The following MALRD1 variants were observed in gnomAD, a reference collection of about 807,000 sequenced individuals.
MALRD1 encodes MAM and LDL-receptor class A domain-containing protein 1.
Under a neutral mutation model 242.1 loss-of-function variants are expected in MALRD1, and 247 were observed. That is an observed-to-expected ratio of 1.02 (90% CI 0.92 to 1.13). The LOEUF is 1.13. Among genes scored for constraint, MALRD1 ranks in the 50% most tolerant of loss-of-function variants. MALRD1 has a pLI of 0.00. For missense variants in MALRD1, 2,989 were observed against 2,533.1 expected, an observed-to-expected ratio of 1.18 and a Z score of -3.86; for synonymous variants, 995 against 866.6, an observed-to-expected ratio of 1.15 and a Z score of -2.60.
At chr10:19,114,851 C>T (rs1008988228) in intron 5 of MALRD1, among the ~76,000 whole-genome samples, 2 of 152,128 alleles carry the variant, frequency 1.3e-5, no homozygotes, top group African/African-American at 4.8e-5. Flanking sequence ...TGTGTCCTTT[C>T]TTCTTGGCTT....
In MALRD1 at chr10:19,088,170, T is replaced by A. The variant is rs192593141; in HGVS notation, c.582T>A (p.Ser194Arg). The A allele has an allele frequency of 8.1e-7, 1 of 1,233,168 alleles. No homozygotes were observed. The highest frequency in any genetic ancestry group is 1.0e-6 in the Non-Finnish European group (1 of 987,688). 76.4% of individuals were successfully genotyped at this position (1,233,168 alleles called of 1,614,324 possible). ...QWERNVIKIQ[S>R]SQRFQVVFEG... ...AGAGAAATGTCATCAAAATCCAGAG[T>A]TCACAGAGATTTCAGGTATGTGTGT... is the stretch of plus-strand genomic sequence containing the variant. The change falls in exon 4 of 40, where the codon AGT becomes AGA. Residue 194 changes from serine (S) to arginine (R), a missense_variant. Ser to Arg is a moderately radical substitution (Grantham distance 110). Transcript: ENST00000454679.
chr10:19,411,782 A>G (rs1833285282), intron 28 of MALRD1, among the ~76,000 whole-genome samples: 1 of 152,188 alleles, frequency 6.6e-6, no homozygotes, highest in Non-Finnish European at 1.5e-5. Flanking sequence ...TTCTTTAAGC[A>G]TAGCAGTGAT....
At chr10:19,616,832 A>G (rs758172848) in intron 36 of MALRD1, among the ~76,000 whole-genome samples, 1 of 152,010 alleles carries the variant, frequency 6.6e-6, no homozygotes, top group Non-Finnish European at 1.5e-5. Context: ...CTTTAGTTTA[A>G]CATTGTTGAA....
chr10:19,248,012 A>G (rs1192947629), intron 18 of MALRD1, among the ~76,000 whole-genome samples: 3 of 152,046 alleles, frequency 2.0e-5, no homozygotes, highest in East Asian at 3.9e-4. Context: ...AGAGCTCAGC[A>G]TTTGCCTTAT....
chr10:19,638,101 C>CAAAAAAAAAAAAAAAAAAAAAAAAA (rs56865342), intron 36 of MALRD1, among the ~76,000 whole-genome samples: 1 of 41,926 alleles, frequency 2.4e-5, no homozygotes, highest in African/African-American at 6.2e-5. Flanking sequence ...AACTCACTCT[C>CAAAAAAAAAAAAAAAAAAAAAAAAA]AAAAAAAAAA....
chr10:19,438,321 A>C (rs1328075377), intron 28 of MALRD1, among the ~76,000 whole-genome samples: 1 of 152,144 alleles, frequency 6.6e-6, no homozygotes, highest in Non-Finnish European at 1.5e-5. Flanking sequence ...CATGTGTCAG[A>C]ATTGGCTTTT....
chr10:19,636,931 TA>T lies in MALRD1; in HGVS notation c.6137+21014del, dbSNP rs1564505268. Among the ~76,000 whole-genome samples the T allele has an allele frequency of 8.0e-3, 1,205 of 151,470 alleles. 17 individuals carry two copies. Among genetic ancestry groups the T allele is most frequent in the African/African-American group, 0.027 (1,126 of 41,084 alleles). ...AAAAAAAACGCAGAGTAGATTTTTTTAAAAAATATGACATTACTATATTATT... is the reference window on the plus strand; with the variant it reads ...AAAAAAAACGCAGAGTAGATTTTTTTAAAAATATGACATTACTATATTATT... On this transcript the variant is annotated intron_variant, in intron 36 of 39. Coordinates refer to ENST00000454679, the MANE Select transcript of MALRD1 (RefSeq NM_001142308.3).
intron 29 of MALRD1, chr10:19,488,942 TG>T: frequency 2.4e-6 from 1 of 412,574 alleles, no homozygotes; most frequent in Non-Finnish European, 4.9e-6. Context: ...TAAGATCCCG[TG>T]TACTGAAAAA....
chr10:19,181,909 C>A (rs1007545879), intron 14 of MALRD1, among the ~76,000 whole-genome samples: 1 of 151,750 alleles, frequency 6.6e-6, no homozygotes, highest in South Asian at 2.1e-4. Flanking sequence ...AGAAATGTAT[C>A]GATTTAATAG....
At chr10:19,624,204 C>G (rs1839537990) in intron 36 of MALRD1, among the ~76,000 whole-genome samples, 1 of 152,044 alleles carries the variant, frequency 6.6e-6, no homozygotes, top group East Asian at 1.9e-4. Flanking sequence ...AAATACATGT[C>G]CATAAGGCTA....
In MALRD1 at chr10:19,324,992, G is replaced by T. The variant is rs1183607775; in HGVS notation, c.3576+887G>T. 3.5e-4 allele frequency among the ~76,000 whole-genome samples: 41 copies of T among 117,844 alleles called. 1 individual carries two copies. The highest frequency in any genetic ancestry group is 5.6e-4 in the Non-Finnish European group (32 of 56,830). The allele number at this position is 117,844 out of a possible 152,430, so 77.3% of individuals were successfully genotyped here. On this transcript the variant is annotated intron_variant, in intron 22 of 39. Coordinates refer to ENST00000454679, the MANE Select transcript of MALRD1 (RefSeq NM_001142308.3). ...ATCTCCATTTTACCCACAAATTTTT[G>T]CCTTCAGTAGTTGCTTTTTTTTTTT...
At chr10:19,699,337 A>AAAGGAGGGAAAGGTAGGAGG (rs1564551224) in intron 38 of MALRD1, among the ~76,000 whole-genome samples, 10 of 139,274 alleles carry the variant, frequency 7.2e-5, no homozygotes, top group African/African-American at 3.0e-4. Flanking sequence ...GGTAGGAGGG[A>AAAGGAGGGAAAGGTAGGAGG]GGAAATTGTA....
At chr10:19,220,372 TATTA>T (rs1486238573) in intron 18 of MALRD1, among the ~76,000 whole-genome samples, 1 of 152,192 alleles carries the variant, frequency 6.6e-6, no homozygotes, top group East Asian at 1.9e-4. Context: ...TTTATTGCAC[TATTA>T]AAGCAAAATT....
In MALRD1 at chr10:19,113,792, T is replaced by TACACACACACACACACAC. The variant is rs753384799; in HGVS notation, c.695-9678_695-9661dup. On this transcript the variant is annotated intron_variant, in intron 5 of 39. Transcript: ENST00000454679. ...CCTCCACATTGCCACTACCACCCCCTACACACACACACACACACACACACA... is the reference window on the plus strand; with the variant it reads ...CCTCCACATTGCCACTACCACCCCCTACACACACACACACACACACACACACACACACACACACACACA... 1.3e-3 allele frequency among the ~76,000 whole-genome samples: 176 copies of TACACACACACACACACAC among 134,536 alleles called. 3 individuals carry two copies. The highest frequency in any genetic ancestry group is 4.8e-3 in the African/African-American group (166 of 34,800). The allele number at this position is 134,536 out of a possible 152,430, so 88.3% of individuals were successfully genotyped here.
chr10:19,667,623 A>G (rs754136115), intron 36 of MALRD1, among the ~76,000 whole-genome samples: 4 of 151,498 alleles, frequency 2.6e-5, no homozygotes, highest in Non-Finnish European at 4.4e-5. Flanking sequence ...CTTGCTTACC[A>G]CTGCTTGCTT....
intron 26 of MALRD1, among the ~76,000 whole-genome samples, chr10:19,359,350 A>C (rs748842659): frequency 6.6e-6 from 1 of 152,212 alleles, no homozygotes; most frequent in Non-Finnish European, 1.5e-5. Flanking sequence ...CAAACACACT[A>C]GACTACTGTT....
chr10:19,228,836 CT>C (rs1837911051), intron 18 of MALRD1, among the ~76,000 whole-genome samples: 1 of 152,006 alleles, frequency 6.6e-6, no homozygotes, highest in African/African-American at 2.4e-5. Flanking sequence ...TACCAAACAA[CT>C]TTTTGAAGAC....
chr10:19,367,367 T>C (rs1267335445), intron 26 of MALRD1, among the ~76,000 whole-genome samples: 1 of 152,176 alleles, frequency 6.6e-6, no homozygotes, highest in Non-Finnish European at 1.5e-5. Context: ...ACATGTGTTG[T>C]TTAACTTTCT....
At chr10:19,362,489 AAAT>A (rs1467163336) in intron 26 of MALRD1, among the ~76,000 whole-genome samples, 1 of 152,120 alleles carries the variant, frequency 6.6e-6, no homozygotes, top group East Asian at 1.9e-4. Flanking sequence ...GGAGATATGG[AAAT>A]TAGCTAAGCA....
Sources: gnomAD v4.1 joint callset for allele counts (sites outside exome capture counted in the v4.1 genomes callset) on GRCh38, gnomAD v4.1.1 for gene constraint, MANE v1.5 for transcripts, NCBI Gene and HGNC (gene_info 2026-07-23, HGNC 2026-07-21) for gene names.